DAB1: variants seen among roughly 807,000 people sequenced by gnomAD.
DAB1 encodes DAB adaptor protein 1, also known as disabled homolog 1.
A neutral mutation model predicts 64.6 loss-of-function variants in DAB1; 15 were observed. That is an observed-to-expected ratio of 0.23 (90% confidence interval 0.16 to 0.36). The LOEUF (loss-of-function observed/expected upper bound fraction) is 0.36, where lower values mean the gene tolerates loss of function less well. Ranked by LOEUF, DAB1 falls within the 10% of genes least tolerant of loss-of-function variation. The pLI is 1.00. For synonymous variants in DAB1, 235 were observed against 251.9 expected (o/e 0.93, Z 0.64); for missense variants, 596 against 706.7 (o/e 0.84, Z 1.78).
At chr1:58,019,398 T>A (rs949519333) in intron 5 of DAB1, among the ~76,000 whole-genome samples, 1 of 152,172 alleles carries the variant, frequency 6.6e-6, no homozygotes, top group African/African-American at 2.4e-5. Context: ...TTTTACCTCA[T>A]AATAATGTGA....
intron 4 of DAB1, among the ~76,000 whole-genome samples, chr1:57,115,202 G>C (rs928995388): frequency 6.6e-6 from 1 of 152,122 alleles, no homozygotes; most frequent in South Asian, 2.1e-4. Context: ...GGTAGGCTTC[G>C]GGGCAGACAG....
rs71051259 is a variant in DAB1, at chr1:57,783,085, TTC to T, written n.551+100912_551+100913del. ...CTTCCTTCCTTCTTACCTTCTTTCTTTCTCTCTCTCTCTCTCTTTTCTTTTTT... is the reference window on the plus strand; with the variant it reads ...CTTCCTTCCTTCTTACCTTCTTTCTTTCTCTCTCTCTCTCTTTTCTTTTTT... On this transcript the variant is annotated intron_variant and non_coding_transcript_variant, in intron 6 of 20. Transcript: ENST00000485760. Among the ~76,000 whole-genome samples, 5 of 129,154 alleles carry T rather than the reference TTC, an allele frequency of 3.9e-5. 1 individual carries two copies. Among genetic ancestry groups the T allele is most frequent in the African/African-American group, 1.1e-4 (4 of 35,722 alleles). 84.7% of individuals were successfully genotyped at this position (129,154 alleles called of 152,430 possible).
At chr1:57,979,419 G>C (rs1415756844) in intron 5 of DAB1, among the ~76,000 whole-genome samples, 1 of 152,112 alleles carries the variant, frequency 6.6e-6, no homozygotes, top group Non-Finnish European at 1.5e-5. Context: ...TATGGGGGAT[G>C]GGGGGCTAGG....
At chr1:57,520,733 A>C (rs1644515889) in intron 7 of DAB1, among the ~76,000 whole-genome samples, 1 of 152,110 alleles carries the variant, frequency 6.6e-6, no homozygotes, top group Admixed American at 6.5e-5. Flanking sequence ...AAGAGCTCAC[A>C]ATCAAAAGAG....
At chr1:57,068,603 TACAATACTAATG>T (rs769040179) in intron 8 of DAB1, among the ~76,000 whole-genome samples, 7 of 152,234 alleles carry the variant, frequency 4.6e-5, no homozygotes, top group Non-Finnish European at 1.0e-4. Flanking sequence ...AAATTGGGAC[TACAATACTAATG>T]AGTGAAAAGT....
intron 6 of DAB1, among the ~76,000 whole-genome samples, chr1:57,796,151 C>G (rs1265599071): frequency 6.6e-6 from 1 of 152,044 alleles, no homozygotes; most frequent in Non-Finnish European, 1.5e-5. Context: ...CTAAGTGAAA[C>G]TAAATGTTCA....
chr1:58,119,821 T>C (rs1031393357), intron 5 of DAB1, among the ~76,000 whole-genome samples: 9 of 152,204 alleles, frequency 5.9e-5, no homozygotes, highest in African/African-American at 2.2e-4. Context: ...TTAATAGTCC[T>C]GCAGAGAAAG....
At chr1:57,199,913 T>C (rs949945324) in intron 2 of DAB1, among the ~76,000 whole-genome samples, 4 of 152,158 alleles carry the variant, frequency 2.6e-5, no homozygotes, top group African/African-American at 7.2e-5. Flanking sequence ...GTTCAGCCTA[T>C]GGACGGGCCA....
At chr1:58,319,127 G>C (rs1662624721) in intron 4 of DAB1, among the ~76,000 whole-genome samples, 1 of 152,046 alleles carries the variant, frequency 6.6e-6, no homozygotes, top group Non-Finnish European at 1.5e-5. Flanking sequence ...GGTGTGTGGG[G>C]AGAAAGAGGG....
Position 58,494,699 on chromosome 1 carries a change from C to G in DAB1, n.257+11361G>C, listed in dbSNP as rs990206745. Among the ~76,000 whole-genome samples the G allele has an allele frequency of 2.0e-3, 305 of 152,098 alleles. 11 individuals carry two copies. In the South Asian group the frequency reaches 0.061, roughly 30 times the overall value. ...ATCATCACTGGCCATCAGAGAAATG[C>G]AAATCAAAACCACAATGAGATACCA... On this transcript the variant is annotated intron_variant and non_coding_transcript_variant, in intron 3 of 20. Coordinates refer to the DAB1 transcript ENST00000485760.
At chr1:58,366,085 G>A (rs1272724816) in intron 3 of DAB1, among the ~76,000 whole-genome samples, 2 of 152,172 alleles carry the variant, frequency 1.3e-5, no homozygotes, top group Non-Finnish European at 2.9e-5. Flanking sequence ...TCCCAATACA[G>A]TACTATTCCT....
chr1:57,206,459 C>G (rs534490335), intron 2 of DAB1, among the ~76,000 whole-genome samples: 3 of 152,176 alleles, frequency 2.0e-5, no homozygotes, highest in Non-Finnish European at 4.4e-5. Context: ...AGGCAGTGAC[C>G]TAACACCACT....
chr1:58,364,431 C>A (rs1644196597), intron 3 of DAB1, among the ~76,000 whole-genome samples: 1 of 152,190 alleles, frequency 6.6e-6, no homozygotes, highest in Non-Finnish European at 1.5e-5. Context: ...CAGCTAATAA[C>A]AGAGAAATGT....
At chr1:57,453,740 T>A (rs1475001444) in intron 7 of DAB1, among the ~76,000 whole-genome samples, 6 of 152,222 alleles carry the variant, frequency 3.9e-5, no homozygotes, top group Non-Finnish European at 4.4e-5. Flanking sequence ...GAATTTTGCA[T>A]AATTTGCATT....
intron 1 of DAB1, among the ~76,000 whole-genome samples, chr1:57,829,734 C>A (rs1488658643): frequency 6.6e-6 from 1 of 152,190 alleles, no homozygotes; most frequent in Non-Finnish European, 1.5e-5. Flanking sequence ...CCCCCTTCCA[C>A]CCAGAGATTT....
intron 5 of DAB1, among the ~76,000 whole-genome samples, chr1:58,031,309 G>C (rs192376939): frequency 6.1e-4 from 93 of 152,278 alleles, no homozygotes; most frequent in Non-Finnish European, 9.7e-4. Flanking sequence ...GGAGAGTTTT[G>C]AATGTTAAGA....
At chr1:58,323,752 C>T (rs1268647902) in intron 4 of DAB1, among the ~76,000 whole-genome samples, 2 of 151,802 alleles carry the variant, frequency 1.3e-5, no homozygotes, top group Admixed American at 1.3e-4. Context: ...GGTGAAACCT[C>T]GTCTCTACTA....
At chr1:58,286,345 C>A (rs959933855) in intron 4 of DAB1, among the ~76,000 whole-genome samples, 6 of 152,112 alleles carry the variant, frequency 3.9e-5, no homozygotes, top group African/African-American at 1.4e-4. Flanking sequence ...AGCTTCTGCA[C>A]AGCAAAAGAA....
At chr1:57,344,589 T>C (rs974847594) in intron 1 of DAB1, among the ~76,000 whole-genome samples, 11 of 151,998 alleles carry the variant, frequency 7.2e-5, no homozygotes, top group African/African-American at 2.7e-4. Flanking sequence ...GTCACCCTGA[T>C]GAATCGAGGC....
Sources: allele counts gnomAD v4.1 joint callset (sites outside exome capture counted in the v4.1 genomes callset), GRCh38; gene constraint gnomAD v4.1.1; transcripts MANE v1.5; gene names NCBI Gene and HGNC (gene_info 2026-07-23, HGNC 2026-07-21).